The following CAT variants were observed in gnomAD, a reference collection of about 807,000 sequenced individuals.
The protein encoded by CAT is epididymis secretory sperm binding protein.
Under a neutral mutation model 59.0 loss-of-function variants are expected in CAT, and 43 were observed. The observed-to-expected ratio is 0.73, with a 90% CI of 0.57 to 0.94. The LOEUF (loss-of-function observed/expected upper bound fraction) is 0.94. Ranked by LOEUF, CAT falls within the 40% of genes least tolerant of loss-of-function variation. The probability of loss-of-function intolerance (pLI) is 0.00; values close to 1 mark genes in which losing one functional copy is unlikely to be tolerated. For missense variants in CAT, 664 were observed against 682.9 expected, an observed-to-expected ratio of 0.97 and a Z score of 0.31; for synonymous variants, 218 against 230.9, an observed-to-expected ratio of 0.94 and a Z score of 0.51.
In CAT at chr11:34,464,173, A is replaced by G. The variant is rs140903091; in HGVS notation, c.1264A>G (p.Ser422Gly). ...PEQQPSALEH[S>G]IQYSGEVRRF... ...ACAACAGCCTTCTGCCCTGGAGCACAGCATCCAATATTCTGGAGAAGTGCG... is the reference window on the plus strand; with the variant it reads ...ACAACAGCCTTCTGCCCTGGAGCACGGCATCCAATATTCTGGAGAAGTGCG... Residue 422 changes from serine to glycine, a missense_variant, in exon 10 of 13, where the codon AGC becomes GGC. Ser to Gly is a moderately conservative substitution (Grantham distance 56). Coordinates refer to ENST00000241052, the MANE Select transcript of CAT (RefSeq NM_001752.4). 3 of 1,613,850 alleles carry G rather than the reference A, an allele frequency of 1.9e-6. No individual in the cohort carries two copies. The highest frequency in any genetic ancestry group is 2.5e-6 in the Non-Finnish European group (3 of 1,179,674).
Position 34,440,230 on chromosome 11 carries a change from G to C in CAT, c.66+1151G>C, listed in dbSNP as rs567587217. ...TAAGTGCTCATGGATTGCTTTAATG[G>C]TTCCCTGTTTGGGAAAAGGCTGCCA... On this transcript the variant is annotated intron_variant, in intron 1 of 12. Transcript: ENST00000241052. 3.9e-5 allele frequency among the ~76,000 whole-genome samples: 6 copies of C among 152,324 alleles called. No homozygotes were observed. The East Asian group carries it at 1.2e-3, about 29-fold the overall frequency.
In CAT at chr11:34,452,212, G is replaced by A. The variant is rs761650208; in HGVS notation, c.480+5G>A. On this transcript the variant is annotated splice_donor_5th_base_variant and intron_variant, in intron 4 of 12. Coordinates refer to ENST00000241052, the MANE Select transcript of CAT (RefSeq NM_001752.4). ...TTCATCAGGGATCCCATATTGGTAG[G>A]TAATAGAGTATTTTGCACTCAACAA... is the stretch of plus-strand genomic sequence containing the variant. The A allele has an allele frequency of 2.8e-5, 45 of 1,613,322 alleles. No homozygotes were observed. In the East Asian group the frequency reaches 8.7e-4, roughly 31 times the overall value.
intron 8 of CAT, chr11:34,457,033 A>G: frequency 3.5e-6 from 2 of 573,274 alleles, no homozygotes; most frequent in Admixed American, 3.1e-5. Flanking sequence ...AGTCCATGGT[A>G]AGATCCCTAC....
At chr11:34,468,088 G>A (rs1018480952) in intron 10 of CAT, among the ~76,000 whole-genome samples, 200 bp from the exon 11 acceptor site, 11 of 152,104 alleles carry the variant, frequency 7.2e-5, no homozygotes, top group African/African-American at 2.4e-4. Context: ...TAGAAAGCAG[G>A]TATGAGCTAT....
At chr11:34,439,991 G>T (rs1198898723) in intron 1 of CAT, among the ~76,000 whole-genome samples, 1 of 152,194 alleles carries the variant, frequency 6.6e-6, no homozygotes, top group African/African-American at 2.4e-5. Context: ...GCCCACGGCT[G>T]CAGAGTCTCA....
intron 6 of CAT, among the ~76,000 whole-genome samples, chr11:34,455,241 T>G (rs1018130453): frequency 6.6e-6 from 1 of 152,206 alleles, no homozygotes. Flanking sequence ...AGTTGGGATT[T>G]CTGTGGTAGA....
At chr11:34,445,482 C>T (rs1347501475) in intron 1 of CAT, among the ~76,000 whole-genome samples, 4 of 102,244 alleles carry the variant, frequency 3.9e-5, no homozygotes, top group Admixed American at 1.6e-4. Context: ...GGCAATAGAG[C>T]GAGACTCCAT....
At chr11:34,459,263 A>G (rs1260184593) in intron 8 of CAT, among the ~76,000 whole-genome samples, 1 of 152,212 alleles carries the variant, frequency 6.6e-6, no homozygotes. Context: ...CTTGTTGGAC[A>G]GGAAGTGGAA....
chr11:34,449,091 G>A, intron 1 of CAT, 101 bp from the exon 2 acceptor site: 1 of 1,022,870 alleles, frequency 9.8e-7, no homozygotes, highest in Non-Finnish European at 1.5e-6. Flanking sequence ...TAAAAAAGAG[G>A]GCAGATGGTA....
At chr11:34,449,560 G>A (rs1367592035) in intron 2 of CAT, among the ~76,000 whole-genome samples, 197 bp downstream of exon 2, 2 of 152,174 alleles carry the variant, frequency 1.3e-5, no homozygotes, top group African/African-American at 2.4e-5. Context: ...ATATAAAATA[G>A]TTTCTTTTAA....
At chr11:34,444,626 T>C (rs945729871) in intron 1 of CAT, among the ~76,000 whole-genome samples, 6 of 152,222 alleles carry the variant, frequency 3.9e-5, no homozygotes, top group South Asian at 2.1e-4. Flanking sequence ...TTATGACTCC[T>C]CTGGGACTGA....
At position 34,456,832 on chromosome 11, in the gene CAT, T is replaced by C. The variant is rs751715058; in HGVS notation, c.1056+15T>C. Reference sequence around the variant, plus strand: ...AAATGCTTCAGGTGAGCCTGGTGGATTGAGATGTTCTGAGGCAGGTGTCCA... The same window carrying C: ...AAATGCTTCAGGTGAGCCTGGTGGACTGAGATGTTCTGAGGCAGGTGTCCA... On this transcript the variant is annotated intron_variant, in intron 8 of 12. Coordinates refer to ENST00000241052, the MANE Select transcript of CAT (RefSeq NM_001752.4). 25 of 1,613,868 alleles carry C rather than the reference T, an allele frequency of 1.5e-5. No individual in the cohort carries two copies. The African/African-American group carries it at 2.9e-4, about 19-fold the overall frequency.
In CAT at chr11:34,468,376, T is replaced by G. The variant is rs1856742551; in HGVS notation, c.1415T>G (p.Ile472Ser). 1 of 1,613,616 alleles carries G rather than the reference T, an allele frequency of 6.2e-7. No individual in the cohort carries two copies. The highest frequency in any genetic ancestry group is 8.5e-7 in the Non-Finnish European group (1 of 1,179,658). Residue 472 changes from isoleucine (I) to serine (S), a missense_variant, in exon 11 of 13, where the codon ATT (isoleucine) becomes AGT (serine). By Grantham distance (142) the Ile-to-Ser change is moderately radical. Transcript: ENST00000241052. Reference sequence around the variant, plus strand: ...GCCGGCCACCTGAAGGATGCACAAATTTTCATCCAGAAGAAAGCGGTGAGT... The same window carrying G: ...GCCGGCCACCTGAAGGATGCACAAAGTTTCATCCAGAAGAAAGCGGTGAGT... ...NIAGHLKDAQIFIQKKAVKNF... is the reference protein window; with the variant it reads ...NIAGHLKDAQSFIQKKAVKNF...
intron 10 of CAT, 28 bp from the exon 11 acceptor site, chr11:34,468,258 TTC>T (rs762547483): frequency 1.3e-6 from 2 of 1,501,798 alleles, no homozygotes; most frequent in Non-Finnish European, 1.9e-6. Flanking sequence ...GGTGATTCAA[TTC>T]TCTGCACTTG....
At chr11:34,460,544 G>A (rs1313802495) in intron 8 of CAT, among the ~76,000 whole-genome samples, 18 of 150,344 alleles carry the variant, frequency 1.2e-4, no homozygotes, top group Admixed American at 8.0e-4. Context: ...AATCCCCTGG[G>A]CCAAGCAGTC....
chr11:34,450,477 C>G (rs1856511675), intron 2 of CAT, among the ~76,000 whole-genome samples: 1 of 152,202 alleles, frequency 6.6e-6, no homozygotes, highest in Non-Finnish European at 1.5e-5. Flanking sequence ...CTTGGACTTC[C>G]AGTTAGGACT....
chr11:34,461,626 G>T (rs1310989438), intron 9 of CAT, among the ~76,000 whole-genome samples: 2 of 152,230 alleles, frequency 1.3e-5, no homozygotes, highest in East Asian at 3.8e-4. Context: ...TTCCACCTCA[G>T]ATGTTACTTG....
At position 34,451,035 on chromosome 11, in the gene CAT, A is replaced by G; in HGVS notation, c.286A>G (p.Lys96Glu). ...CACACATGACATTACCAAATACTCC[A>G]AGGCAAAGGTATTTGAGCATATTGG... ...EVTHDITKYS[K>E]AKVFEHIGKK... Residue 96 changes from lysine (K) to glutamate (E), a missense_variant, in exon 3 of 13, where the codon AAG becomes GAG. Physicochemically the swap from Lys to Glu is moderately conservative, Grantham distance 56. Transcript: ENST00000241052. 6.2e-7 allele frequency: 1 copy of G among 1,613,956 alleles called. No homozygotes were observed. Among genetic ancestry groups the G allele is most frequent in the Non-Finnish European group, 8.5e-7 (1 of 1,179,816 alleles).
chr11:34,468,703 G>A (rs1296698886), intron 11 of CAT, among the ~76,000 whole-genome samples: 2 of 152,126 alleles, frequency 1.3e-5, no homozygotes, highest in Non-Finnish European at 2.9e-5. Flanking sequence ...TAGTAAATGT[G>A]CAATATCAAA....
Sources: allele counts gnomAD v4.1 joint callset (sites outside exome capture counted in the v4.1 genomes callset), GRCh38; gene constraint gnomAD v4.1.1; transcripts MANE v1.5; gene names NCBI Gene and HGNC (gene_info 2026-07-23, HGNC 2026-07-21).